The following AGBL4 variants were observed in gnomAD, a reference collection of about 807,000 sequenced individuals.
The protein encoded by AGBL4 is AGBL carboxypeptidase 4.
A neutral mutation model predicts 66.4 loss-of-function variants in AGBL4; 58 were observed. The ratio of observed to expected loss-of-function variants is 0.87; its 90% CI spans 0.71 to 1.09. The LOEUF (loss-of-function observed/expected upper bound fraction) is 1.09. AGBL4 is among the 50% of genes least tolerant of loss of function. The pLI, the probability that AGBL4 is intolerant of heterozygous loss-of-function variation, is 0.00. For synonymous variants in AGBL4, 234 were observed against 222.9 expected, an observed-to-expected ratio of 1.05 and a Z score of -0.44; for missense variants, 579 against 631.0, an observed-to-expected ratio of 0.92 and a Z score of 0.88.
rs566919517 is a variant in AGBL4, at chr1:48,992,872, C to CA, written c.594+52711dup. Among the ~76,000 whole-genome samples, 69 of 152,280 alleles carry CA rather than the reference C, an allele frequency of 4.5e-4. 1 individual carries two copies. The South Asian group carries it at 9.3e-3, about 21-fold the overall frequency. ...CTGGCCAGGCCTGAAACTCACCCTT[C>CA]AGGGAAGTGAGCTCCTCTCTGGCCC... On this transcript the variant is annotated intron_variant, in intron 5 of 13. Coordinates refer to ENST00000371839, the MANE Select transcript of AGBL4 (RefSeq NM_032785.4).
intron 1 of AGBL4, among the ~76,000 whole-genome samples, chr1:49,884,732 G>T (rs1647826388): frequency 1.3e-5 from 2 of 151,340 alleles, no homozygotes; most frequent in Non-Finnish European, 3.0e-5. Flanking sequence ...TTCTAATAAT[G>T]TTATTATTAT....
chr1:49,148,787 C>G (rs1389776874), intron 4 of AGBL4, among the ~76,000 whole-genome samples: 1 of 152,202 alleles, frequency 6.6e-6, no homozygotes, highest in African/African-American at 2.4e-5. Flanking sequence ...TTCTAGTTCC[C>G]CAGATGTAGA....
At chr1:49,318,717 G>T (rs1645082290) in intron 3 of AGBL4, among the ~76,000 whole-genome samples, 1 of 152,062 alleles carries the variant, frequency 6.6e-6, no homozygotes, top group South Asian at 2.1e-4. Flanking sequence ...AAGCCAGATT[G>T]AAAGGCAGGC....
At chr1:49,488,166 T>A (rs1210429095) in intron 3 of AGBL4, among the ~76,000 whole-genome samples, 2 of 151,820 alleles carry the variant, frequency 1.3e-5, no homozygotes, top group Non-Finnish European at 2.9e-5. Flanking sequence ...GCTTCTAATC[T>A]TTAAAAAGAA....
intron 1 of AGBL4, among the ~76,000 whole-genome samples, chr1:49,935,671 C>T (rs1035640716): frequency 2.0e-5 from 3 of 152,140 alleles, no homozygotes; most frequent in Admixed American, 6.5e-5. Flanking sequence ...GCAGCATTCG[C>T]GGTTCATGAA....
chr1:49,654,810 T>C (rs1467019054), intron 3 of AGBL4, among the ~76,000 whole-genome samples: 2 of 152,164 alleles, frequency 1.3e-5, no homozygotes, highest in African/African-American at 4.8e-5. Flanking sequence ...TTTGAGCCTA[T>C]GTGTGTCTCC....
intron 2 of AGBL4, among the ~76,000 whole-genome samples, chr1:49,776,478 G>A (rs1308759133): frequency 1.3e-5 from 2 of 152,024 alleles, no homozygotes; most frequent in African/African-American, 4.8e-5. Context: ...GCCCTTATAT[G>A]ATGAGAGTCC....
At chr1:49,232,774 CAT>C (rs1650426456) in intron 4 of AGBL4, among the ~76,000 whole-genome samples, 1 of 149,032 alleles carries the variant, frequency 6.7e-6, no homozygotes, top group Non-Finnish European at 1.5e-5. Context: ...TTTTGTTAAT[CAT>C]AAATAAATTT....
intron 4 of AGBL4, among the ~76,000 whole-genome samples, chr1:49,226,595 T>C (rs921766366): frequency 2.0e-5 from 3 of 152,088 alleles, no homozygotes; most frequent in Non-Finnish European, 4.4e-5. Context: ...AATGGACAAA[T>C]TTCTTTCCCT....
intron 3 of AGBL4, among the ~76,000 whole-genome samples, chr1:49,537,668 T>C (rs1292227341): frequency 1.3e-5 from 2 of 152,304 alleles, no homozygotes. Flanking sequence ...CTCACGCCTG[T>C]AATCCCAGCA....
At chr1:49,537,006 C>CAAA (rs998466304) in intron 3 of AGBL4, among the ~76,000 whole-genome samples, 1 of 130,368 alleles carries the variant, frequency 7.7e-6, no homozygotes, top group Non-Finnish European at 1.6e-5. Context: ...GACTCCATCT[C>CAAA]AAAAAAAAAA....
intron 6 of AGBL4, among the ~76,000 whole-genome samples, chr1:48,676,974 G>T (rs1646376019): frequency 6.6e-6 from 1 of 152,136 alleles, no homozygotes; most frequent in African/African-American, 2.4e-5. Flanking sequence ...GCTTGGCCCA[G>T]GCTCTCTGCT....
At chr1:49,838,832 C>A (rs569292558) in intron 2 of AGBL4, among the ~76,000 whole-genome samples, 1 of 151,988 alleles carries the variant, frequency 6.6e-6, no homozygotes, top group Non-Finnish European at 1.5e-5. Flanking sequence ...TCTAGTGGTA[C>A]CTTAAATTGT....
chr1:49,344,298 A>G (rs1281636470), intron 3 of AGBL4, among the ~76,000 whole-genome samples: 1 of 152,120 alleles, frequency 6.6e-6, no homozygotes, highest in Non-Finnish European at 1.5e-5. Flanking sequence ...GTACCCTAAA[A>G]CTTAAAGTAT....
At chr1:49,880,868 C>CGAG (rs1223711959) in intron 1 of AGBL4, among the ~76,000 whole-genome samples, 1 of 152,016 alleles carries the variant, frequency 6.6e-6, no homozygotes, top group East Asian at 1.9e-4. Flanking sequence ...CGTGGTGCGC[C>CGAG]GTTTTTTAAG....
At chr1:48,556,747 T>C (rs970809943) in intron 11 of AGBL4, among the ~76,000 whole-genome samples, 1 of 152,210 alleles carries the variant, frequency 6.6e-6, no homozygotes, top group Non-Finnish European at 1.5e-5. Context: ...TAAATTTACA[T>C]TGTATGTGTA....
At chr1:48,887,974 C>A (rs183714980) in intron 5 of AGBL4, among the ~76,000 whole-genome samples, 26 of 152,244 alleles carry the variant, frequency 1.7e-4, no homozygotes, top group Admixed American at 3.3e-4. Context: ...TCTAATTCCT[C>A]TTGGAGTTCA....
chr1:49,897,984 A>C (rs1015260090), intron 1 of AGBL4, among the ~76,000 whole-genome samples: 2 of 152,112 alleles, frequency 1.3e-5, no homozygotes, highest in African/African-American at 4.8e-5. Flanking sequence ...AAACACTTAA[A>C]TCTAAGACTT....
chr1:48,919,717 G>A (rs1653923320), intron 5 of AGBL4, among the ~76,000 whole-genome samples: 1 of 152,182 alleles, frequency 6.6e-6, no homozygotes. Context: ...CCCACTAGAT[G>A]CCAGTAACAC....
Sources: allele counts gnomAD v4.1 joint callset (sites outside exome capture counted in the v4.1 genomes callset), GRCh38; gene constraint gnomAD v4.1.1; transcripts MANE v1.5; gene names NCBI Gene and HGNC (gene_info 2026-07-23, HGNC 2026-07-21).